Variants in DSC1 observed in about 807,000 individuals in gnomAD.
The protein encoded by DSC1 is desmocollin-1.
In DSC1, 79 loss-of-function variants were observed where a neutral mutation model predicts 98.8. The observed-to-expected ratio is 0.80, with a 90% CI of 0.67 to 0.96. The LOEUF (loss-of-function observed/expected upper bound fraction) is 0.96. Among genes scored for constraint, DSC1 ranks in the 50% least tolerant of loss-of-function variants. The pLI, the probability that DSC1 is intolerant of heterozygous loss-of-function variation, is 0.00. For synonymous variants in DSC1, 405 were observed against 372.1 expected (o/e 1.09, Z -1.02); for missense variants, 1,115 against 1,075.9 (o/e 1.04, Z -0.51).
At chr18:31,155,015 C>T in intron 4 of DSC1, 86 bp from the exon 5 acceptor site, 1 of 1,443,544 alleles carries the variant, frequency 6.9e-7, no homozygotes, top group Non-Finnish European at 9.5e-7. Flanking sequence ...TTTTTTACCA[C>T]TACCCCTCTT....
At position 31,162,475 on chromosome 18, in the gene DSC1, A is replaced by G. The variant is rs948913562; in HGVS notation, c.63+57T>C. The G allele has an allele frequency of 1.9e-5, 29 of 1,551,996 alleles. No individual in the cohort carries two copies. The African/African-American group carries it at 3.4e-4, about 18-fold the overall frequency. On this transcript the variant is annotated intron_variant, in intron 1 of 15. Coordinates refer to ENST00000257198, the MANE Select transcript of DSC1 (RefSeq NM_024421.2). ...CTAGTCTCTTTCAAGCCCAAACTGCAGAGAGGAAGCAGGTAGTAACATGCT... is the reference window on the plus strand; with the variant it reads ...CTAGTCTCTTTCAAGCCCAAACTGCGGAGAGGAAGCAGGTAGTAACATGCT...
rs919935823 is a variant in DSC1, at chr18:31,143,920, T to G, written c.940-129A>C. On this transcript the variant is annotated intron_variant, in intron 7 of 15. Coordinates refer to ENST00000257198, the MANE Select transcript of DSC1 (RefSeq NM_024421.2). ...TTTACTTTTTCTTTTATATATTTAT[T>G]TATTTATTTGAGATGGGGTCTCACT... 7 of 676,416 alleles carry G rather than the reference T, an allele frequency of 1.0e-5. No individual in the cohort carries two copies. In the African/African-American group the frequency reaches 1.1e-4, roughly 11 times the overall value. The allele number at this position is 676,416 out of a possible 1,614,324, so 41.9% of individuals were successfully genotyped here.
chr18:31,150,348 CCACCACCACCAT>C (rs1988961364), intron 5 of DSC1, among the ~76,000 whole-genome samples: 1 of 8,264 alleles, frequency 1.2e-4, no homozygotes, highest in African/African-American at 9.0e-4. Flanking sequence ...ACCATCACCA[CCACCACCACCAT>C]CATCACCACC....
At chr18:31,150,289 CACCACT>C (rs1355032490) in intron 5 of DSC1, among the ~76,000 whole-genome samples, 4 of 76,968 alleles carry the variant, frequency 5.2e-5, no homozygotes, top group Admixed American at 2.4e-4. Flanking sequence ...TCACCACCAC[CACCACT>C]ACCATCATCA....
At chr18:31,131,105 A>T (rs1188835666) in intron 15 of DSC1, among the ~76,000 whole-genome samples, 1 of 152,222 alleles carries the variant, frequency 6.6e-6, no homozygotes, top group Non-Finnish European at 1.5e-5. Flanking sequence ...AATATATTAA[A>T]CTGGCTAATA....
At chr18:31,131,140 A>G (rs1280667574) in intron 15 of DSC1, among the ~76,000 whole-genome samples, 2 of 152,240 alleles carry the variant, frequency 1.3e-5, no homozygotes, top group African/African-American at 2.4e-5. Flanking sequence ...ATTAATCTGA[A>G]CATAAAACAA....
chr18:31,161,858 G>A (rs1370450), intron 1 of DSC1, among the ~76,000 whole-genome samples: 106,872 of 151,942 alleles, frequency 0.7, 37,951 homozygotes, highest in East Asian at 0.81. Context: ...TGAAACTCAA[G>A]TATTTTGCTA....
chr18:31,159,774 TG>T (rs1989176947), intron 1 of DSC1, among the ~76,000 whole-genome samples: 1 of 152,204 alleles, frequency 6.6e-6, no homozygotes, highest in African/African-American at 2.4e-5. Context: ...TAAATCATAT[TG>T]TGTCAATGCA....
chr18:31,156,253 A>ATGTGTAACCCTTACATCT, intron 3 of DSC1, 91 bp from the exon 4 acceptor site: 3 of 1,456,024 alleles, frequency 2.1e-6, no homozygotes, highest in Non-Finnish European at 2.8e-6. Flanking sequence ...AGCAGATGTA[A>ATGTGTAACCCTTACATCT]GGGTTACACA....
chr18:31,139,237 C>T (rs564439583), intron 11 of DSC1, among the ~76,000 whole-genome samples: 10 of 151,962 alleles, frequency 6.6e-5, no homozygotes, highest in Non-Finnish European at 1.5e-4. Context: ...GATTGCAAAT[C>T]ACCATAAAAG....
At chr18:31,161,767 G>C (rs1989213688) in intron 1 of DSC1, among the ~76,000 whole-genome samples, 1 of 152,088 alleles carries the variant, frequency 6.6e-6, no homozygotes, top group Non-Finnish European at 1.5e-5. Context: ...GGATGAGAAG[G>C]TGACCATCAA....
intron 13 of DSC1, among the ~76,000 whole-genome samples, chr18:31,133,625 G>T (rs1988542370): frequency 6.6e-6 from 1 of 151,894 alleles, no homozygotes; most frequent in South Asian, 2.1e-4. Flanking sequence ...ATGGAAAAAT[G>T]AGTTCAAAAA....
In DSC1 at chr18:31,142,071, T is replaced by G. The variant is rs115620433; in HGVS notation, c.1188A>C (p.Gln396His). Residue 396 changes from glutamine (Q) to histidine (H), a missense_variant, in exon 9 of 16, where the codon CAA becomes CAC. By Grantham distance (24) the Gln-to-His change is conservative (BLOSUM62 0). Transcript: ENST00000257198. ...PHSKAVYKILQGNENGNFIIS... is the reference protein window; with the variant it reads ...PHSKAVYKILHGNENGNFIIS... ...TTATGAAGTTTCCATTTTCATTTCCTTGTAGGATTTTGTATACAGCCTTTG... is the reference window on the plus strand; with the variant it reads ...TTATGAAGTTTCCATTTTCATTTCCGTGTAGGATTTTGTATACAGCCTTTG... 1.1e-5 allele frequency: 18 copies of G among 1,613,202 alleles called. No individual in the cohort carries two copies. Among genetic ancestry groups the G allele is most frequent in the Non-Finnish European group, 1.4e-5 (17 of 1,179,690 alleles).
chr18:31,145,816 C>T, intron 6 of DSC1, 39 bp from the exon 7 acceptor site: 1 of 1,577,620 alleles, frequency 6.3e-7, no homozygotes, highest in Non-Finnish European at 8.6e-7. Context: ...AATTTCTACT[C>T]ATATAATTGA....
In DSC1 at chr18:31,162,421, T is replaced by A. The variant is rs189947592; in HGVS notation, c.63+111A>T. On this transcript the variant is annotated intron_variant, in intron 1 of 15. Coordinates refer to ENST00000257198, the MANE Select transcript of DSC1 (RefSeq NM_024421.2). ...TCAGATCTGCTTTTGTTTTCCCCAATCTCTCTTCTCTGCCTCCCATCCTCA... is the reference window on the plus strand; with the variant it reads ...TCAGATCTGCTTTTGTTTTCCCCAAACTCTCTTCTCTGCCTCCCATCCTCA... 203 of 1,000,808 alleles carry A rather than the reference T, an allele frequency of 2.0e-4. 1 individual carries two copies. The East Asian group carries it at 4.0e-3, about 20-fold the overall frequency. The allele number at this position is 1,000,808 out of a possible 1,614,324, so 62.0% of individuals were successfully genotyped here. A position where few individuals can be genotyped will look rare whatever the true frequency, so the allele number is the denominator to read the frequency against.
rs935111438 is a variant in DSC1 at position 31,140,190 on chromosome 18, C to A, written c.1372G>T (p.Val458Phe). The A allele has an allele frequency of 3.7e-6, 6 of 1,613,982 alleles. No homozygotes were observed. Among genetic ancestry groups the A allele is most frequent in the Non-Finnish European group, 5.1e-6 (6 of 1,179,930 alleles). ...SQTPTMCTTT[V>F]TVKIIDSDEG... is the part of the protein sequence containing the mutation. ...TCACTGTCTATAATTTTAACGGTGACAGTTGTAGTGCACATTGTAGGAGTT... is the reference window on the plus strand; with the variant it reads ...TCACTGTCTATAATTTTAACGGTGAAAGTTGTAGTGCACATTGTAGGAGTT... The change falls in exon 10 of 16, where the codon GTC becomes TTC. Residue 458 changes from valine (V) to phenylalanine (F), a missense_variant. Physicochemically the swap from Val to Phe is conservative, Grantham distance 50. Coordinates refer to ENST00000257198, the MANE Select transcript of DSC1 (RefSeq NM_024421.2).
chr18:31,162,439 C>T, intron 1 of DSC1, 93 bp downstream of exon 1: 1 of 1,175,740 alleles, frequency 8.5e-7, no homozygotes, highest in Non-Finnish European at 1.3e-6. Context: ...CTCTGCCTCC[C>T]ATCCTCACTC....
At chr18:31,157,884 T>C (rs1295106944) in intron 2 of DSC1, among the ~76,000 whole-genome samples, 1 of 152,222 alleles carries the variant, frequency 6.6e-6, no homozygotes, top group Non-Finnish European at 1.5e-5. Flanking sequence ...TATATGTGTA[T>C]ACAAACTTGA....
intron 9 of DSC1, among the ~76,000 whole-genome samples, chr18:31,140,802 G>T (rs889300136): frequency 6.6e-6 from 1 of 152,084 alleles, no homozygotes; most frequent in East Asian, 1.9e-4. Context: ...TGATGAAAGC[G>T]CTTGGTCCTT....
Sources: gnomAD v4.1 joint callset for allele counts (sites outside exome capture counted in the v4.1 genomes callset) on GRCh38, gnomAD v4.1.1 for gene constraint, MANE v1.5 for transcripts, NCBI Gene and HGNC (gene_info 2026-07-23, HGNC 2026-07-21) for gene names.